MACF1: variants seen among roughly 807,000 people sequenced by gnomAD.
The protein encoded by MACF1 is microtubule-actin cross-linking factor 1.
MACF1 carries 193 observed loss-of-function variants against 854.8 expected under a neutral mutation model. The ratio of observed to expected loss-of-function variants is 0.23; its 90% CI spans 0.20 to 0.25. The LOEUF (loss-of-function observed/expected upper bound fraction) is 0.25, where lower values mean the gene tolerates loss of function less well. MACF1 is among the 10% of genes least tolerant of loss of function. MACF1 has a pLI of 1.00. For synonymous variants in MACF1, 3,185 were observed against 3,226.7 expected (o/e 0.99, Z 0.44); for missense variants, 7,722 against 8,929.1 (o/e 0.86, Z 5.45).
At chr1:39,304,083 A>T (rs1233832836) in intron 23 of MACF1, among the ~76,000 whole-genome samples, 1 of 149,258 alleles carries the variant, frequency 6.7e-6, no homozygotes, top group African/African-American at 2.5e-5. Context: ...GGTTTGTTAC[A>T]TATGTATACA....
At chr1:39,469,526 T>G in intron 96 of MACF1, 21 bp from the exon 97 acceptor site, 1 of 1,533,476 alleles carries the variant, frequency 6.5e-7, no homozygotes. Context: ...TTTCTTTCTG[T>G]TTACGTATTT....
chr1:39,097,343 A>G (rs1360008877), intron 2 of MACF1, among the ~76,000 whole-genome samples: 1 of 152,152 alleles, frequency 6.6e-6, no homozygotes, highest in African/African-American at 2.4e-5. Flanking sequence ...TGCCAGTATA[A>G]TTAAACTAAA....
chr1:39,267,468 C>T (rs1175703947), intron 6 of MACF1, among the ~76,000 whole-genome samples: 3 of 152,190 alleles, frequency 2.0e-5, no homozygotes, highest in Non-Finnish European at 4.4e-5. Context: ...TGAGCTCAGG[C>T]AATCCGCCTG....
At chr1:39,231,069 C>A in intron 1 of MACF1, 113 bp from the exon 2 acceptor site, 1 of 807,940 alleles carries the variant, frequency 1.2e-6, no homozygotes, top group South Asian at 1.4e-5. Flanking sequence ...CACTGTCCCA[C>A]AGTTATGTGG....
chr1:39,463,490 C>T, intron 93 of MACF1, 122 bp from the exon 94 acceptor site: 1 of 511,198 alleles, frequency 2.0e-6, no homozygotes, highest in Non-Finnish European at 3.4e-6. Context: ...AACTCCATCT[C>T]AAAAAAAAAA....
Position 39,435,569 on chromosome 1 carries a change from A to G in MACF1, c.17796A>G (p.Glu5932=), listed in dbSNP as rs1221262631. Residue 5932 remains glutamate (E), a synonymous_variant, in exon 70 of 101, where the codon GAA becomes GAG. Coordinates refer to ENST00000564288, the MANE Select transcript of MACF1 (RefSeq NM_001394062.1). ...CTTTTTTTACCTAGCAATTAAGGGA[A>G]TCTATTGCTGAACACAAACCTCATA... ...QQQEEMRQLR[E]SIAEHKPHID... 4 of 1,612,714 alleles carry G rather than the reference A, an allele frequency of 2.5e-6. No homozygotes were observed. In the African/African-American group the frequency reaches 5.3e-5, roughly 22 times the overall value.
At chr1:39,232,367 T>G (rs541660947) in intron 2 of MACF1, among the ~76,000 whole-genome samples, 1 of 152,304 alleles carries the variant, frequency 6.6e-6, no homozygotes, top group South Asian at 2.1e-4. Flanking sequence ...TTGATTTCTC[T>G]GTAGCATTTG....
intron 2 of MACF1, among the ~76,000 whole-genome samples, chr1:39,085,322 C>A (rs1003639536): frequency 6.6e-6 from 1 of 152,214 alleles, no homozygotes; most frequent in Non-Finnish European, 1.5e-5. Context: ...TCCACAGCTG[C>A]CTCCCTGAAG....
rs1388260383 is a variant in MACF1, at chr1:39,319,765, CA to C, written c.4029+23del. ...TTGTAAAGGTAACTTTACCACATCC[CA>C]AAAAGAACATGAATCATCACCAGCT... On this transcript the variant is annotated intron_variant, in intron 31 of 100. Coordinates refer to ENST00000564288, the MANE Select transcript of MACF1 (RefSeq NM_001394062.1). 1 of 1,550,234 alleles carries C rather than the reference CA, an allele frequency of 6.5e-7. No individual in the cohort carries two copies. Among genetic ancestry groups the C allele is most frequent in the Non-Finnish European group, 8.9e-7 (1 of 1,125,704 alleles).
Position 39,327,373 on chromosome 1 carries a change from C to G in MACF1, c.4614+20C>G. 6.4e-7 allele frequency: 1 copy of G among 1,574,572 alleles called. No homozygotes were observed. Among genetic ancestry groups the G allele is most frequent in the Non-Finnish European group, 8.7e-7 (1 of 1,149,966 alleles). On this transcript the variant is annotated intron_variant, in intron 36 of 100. Coordinates refer to ENST00000564288, the MANE Select transcript of MACF1 (RefSeq NM_001394062.1). Reference sequence around the variant, plus strand: ...CAAAAGGTACTTTTAGTTTTCATCTCCAAATATTGGGTGGATACCTTTTGA... The same window carrying G: ...CAAAAGGTACTTTTAGTTTTCATCTGCAAATATTGGGTGGATACCTTTTGA...
intron 1 of MACF1, among the ~76,000 whole-genome samples, chr1:39,228,747 G>A (rs1644745904): frequency 6.6e-6 from 1 of 152,162 alleles, no homozygotes; most frequent in Non-Finnish European, 1.5e-5. Flanking sequence ...TCCGCCTCCT[G>A]GGTTCAAGCG....
chr1:39,398,748 A>G (rs1165453598), intron 58 of MACF1, among the ~76,000 whole-genome samples: 1 of 152,190 alleles, frequency 6.6e-6, no homozygotes, highest in Non-Finnish European at 1.5e-5. Context: ...TTGGGGAACT[A>G]ATCTGAGTCA....
At chr1:39,454,729 G>A (rs1247916924) in intron 88 of MACF1, among the ~76,000 whole-genome samples, 180 bp from the exon 89 acceptor site, 1 of 152,174 alleles carries the variant, frequency 6.6e-6, no homozygotes, top group Non-Finnish European at 1.5e-5. Flanking sequence ...GAACCCGGGA[G>A]GCAGAGGTTG....
chr1:39,190,875 C>T lies in MACF1; in HGVS notation c.221-40307C>T, dbSNP rs370428436. On this transcript the variant is annotated intron_variant, in intron 2 of 93. Transcript: ENST00000361689. ...CCGGGCGTGGTGGTGTGCCTGTAAT[C>T]CCAGCTACTTGGGAGGCTGAGGCAC... 2.3e-4 allele frequency among the ~76,000 whole-genome samples: 35 copies of T among 152,182 alleles called. 1 individual carries two copies. The East Asian group carries it at 5.4e-3, about 24-fold the overall frequency.
intron 35 of MACF1, among the ~76,000 whole-genome samples, chr1:39,325,252 G>A (rs1028679621): frequency 5.9e-5 from 9 of 152,194 alleles, no homozygotes; most frequent in Non-Finnish European, 1.0e-4. Flanking sequence ...AATTATGAGT[G>A]ATAACTCAGA....
chr1:39,213,153 C>T (rs149609466), intron 1 of MACF1, among the ~76,000 whole-genome samples: 1 of 152,132 alleles, frequency 6.6e-6, no homozygotes. Flanking sequence ...ATGATAATAT[C>T]TTTCTTGGAG....
intron 36 of MACF1, among the ~76,000 whole-genome samples, chr1:39,329,161 T>C (rs996860692): frequency 6.6e-6 from 1 of 152,254 alleles, no homozygotes. Context: ...AATTGGACTT[T>C]CTATTCTTGG....
Position 39,379,427 on chromosome 1 carries a change from C to A in MACF1, c.13501C>A (p.Gln4501Lys), listed in dbSNP as rs768388986. The A allele has an allele frequency of 1.2e-6, 2 of 1,613,556 alleles. No individual in the cohort carries two copies. The highest frequency in any genetic ancestry group is 1.7e-6 in the Non-Finnish European group (2 of 1,179,738). ...AACCAAGACAGAAACAGTGAAAGCC[C>A]AAGCTGAATCTAACAAGGTACTGTG... ...SPTKTETVKA[Q>K]AESNKAFLAE... The change falls in exon 54 of 101, where the codon CAA (glutamine) becomes AAA (lysine). Residue 4501 changes from glutamine (Q) to lysine (K), a missense_variant. Coordinates refer to ENST00000564288, the MANE Select transcript of MACF1 (RefSeq NM_001394062.1).
chr1:39,468,532 G>A (rs1644715031), intron 95 of MACF1, 83 bp from the exon 96 acceptor site: 1 of 1,123,352 alleles, frequency 8.9e-7, no homozygotes, highest in Admixed American at 1.9e-5. Context: ...TGTCATTCCT[G>A]TCTGAATACA....
Sources: allele counts gnomAD v4.1 joint callset (sites outside exome capture counted in the v4.1 genomes callset), GRCh38; gene constraint gnomAD v4.1.1; transcripts MANE v1.5; gene names NCBI Gene and HGNC (gene_info 2026-07-23, HGNC 2026-07-21).